NIPSNAP1: variants seen among roughly 807,000 people sequenced by gnomAD.
NIPSNAP1 encodes nipsnap homolog 1.
Under a neutral mutation model 49.2 loss-of-function variants are expected in NIPSNAP1, and 25 were observed. That is an observed-to-expected ratio of 0.51 (90% CI 0.37 to 0.71). NIPSNAP1 has a LOEUF of 0.71. Ranked by LOEUF, NIPSNAP1 falls within the 30% of genes least tolerant of loss-of-function variation. NIPSNAP1 has a pLI of 0.00. For missense variants in NIPSNAP1, 294 were observed against 361.0 expected, an observed-to-expected ratio of 0.81 and a Z score of 1.50; for synonymous variants, 143 against 140.7, an observed-to-expected ratio of 1.02 and a Z score of -0.12.
chr22:29,576,087 C>A (rs904388613), intron 1 of NIPSNAP1, among the ~76,000 whole-genome samples: 9 of 149,382 alleles, frequency 6.0e-5, no homozygotes, highest in African/African-American at 2.0e-4. Context: ...GGCGTAATCT[C>A]AGCTCACTGC....
intron 4 of NIPSNAP1, among the ~76,000 whole-genome samples, chr22:29,566,849 C>T (rs758272802): frequency 5.9e-5 from 9 of 151,936 alleles, no homozygotes; most frequent in Non-Finnish European, 1.3e-4. Flanking sequence ...ATAGGCCAGG[C>T]GCAGTGGCTG....
At position 29,577,254 on chromosome 22, in the gene NIPSNAP1, A is replaced by C. The variant is rs1478407829; in HGVS notation, c.98+3731T>G. Among the ~76,000 whole-genome samples the C allele has an allele frequency of 4.0e-5, 6 of 150,528 alleles. 1 individual carries two copies. The highest frequency in any genetic ancestry group is 1.5e-4 in the African/African-American group (6 of 40,204). ...CAGGTGAGCACCACCACGTCTGGCTAATTTTTGTTGTTGTTTGAGATGGAG... is the reference window on the plus strand; with the variant it reads ...CAGGTGAGCACCACCACGTCTGGCTCATTTTTGTTGTTGTTTGAGATGGAG... On this transcript the variant is annotated intron_variant, in intron 1 of 9. Transcript: ENST00000216121.
intron 4 of NIPSNAP1, among the ~76,000 whole-genome samples, chr22:29,567,729 A>C (rs1271733152): frequency 6.6e-6 from 1 of 151,904 alleles, no homozygotes; most frequent in Non-Finnish European, 1.5e-5. Flanking sequence ...TGTGGCATGC[A>C]CCTGTGGTCC....
intron 1 of NIPSNAP1, among the ~76,000 whole-genome samples, chr22:29,580,628 G>A (rs1273800417): frequency 6.6e-6 from 1 of 152,134 alleles, no homozygotes; most frequent in African/African-American, 2.4e-5. Flanking sequence ...TCCCGACGGA[G>A]GAGCTGACTA....
chr22:29,580,955 G>A (rs748704569), intron 1 of NIPSNAP1, 30 bp downstream of exon 1: 18 of 1,500,140 alleles, frequency 1.2e-5, no homozygotes, highest in Middle Eastern at 2.3e-4. Context: ...CACCCCGCGC[G>A]CGTCTATCCC....
chr22:29,569,152 G>C, intron 4 of NIPSNAP1, 41 bp downstream of exon 4: 1 of 1,546,052 alleles, frequency 6.5e-7, no homozygotes, highest in Non-Finnish European at 8.9e-7. Flanking sequence ...GGAGGCCAGG[G>C]CTGGGCAGTG....
At chr22:29,579,685 C>T in intron 1 of NIPSNAP1, 1 of 182,540 alleles carries the variant, frequency 5.5e-6, no homozygotes, top group Non-Finnish European at 1.2e-5. Context: ...GCCTCGGCCT[C>T]CCAAAGTGCT....
At chr22:29,578,431 C>T (rs570124367) in intron 1 of NIPSNAP1, among the ~76,000 whole-genome samples, 3 of 151,182 alleles carry the variant, frequency 2.0e-5, no homozygotes, top group South Asian at 2.1e-4. Flanking sequence ...CTTGGCCTAC[C>T]GAAGTGTTGG....
intron 2 of NIPSNAP1, 33 bp downstream of exon 2, chr22:29,570,372 G>T (rs745315863): frequency 1.2e-6 from 2 of 1,613,866 alleles, no homozygotes; most frequent in East Asian, 4.5e-5. Flanking sequence ...GCCCCTGAAA[G>T]GGCAGAAATT....
chr22:29,561,682 A>C, intron 5 of NIPSNAP1, 36 bp from the exon 6 acceptor site: 1 of 1,614,152 alleles, frequency 6.2e-7, no homozygotes, highest in Non-Finnish European at 8.5e-7. Flanking sequence ...GCTACCAGGA[A>C]GTGCGCTCCA....
intron 4 of NIPSNAP1, 48 bp from the exon 5 acceptor site, chr22:29,561,910 C>G (rs1450620179): frequency 1.3e-6 from 2 of 1,589,626 alleles, no homozygotes; most frequent in Non-Finnish European, 1.7e-6. Context: ...GGACCCCCAG[C>G]AGATGACCTC....
intron 3 of NIPSNAP1, 50 bp downstream of exon 3, chr22:29,570,112 G>A: frequency 6.5e-7 from 1 of 1,547,850 alleles, no homozygotes; most frequent in Non-Finnish European, 8.9e-7. Context: ...TGCTGAAAGT[G>A]TGTTCCCCAC....
chr22:29,562,482 G>A (rs2064342419), intron 4 of NIPSNAP1, among the ~76,000 whole-genome samples: 1 of 152,148 alleles, frequency 6.6e-6, no homozygotes. Context: ...GCGGGGCTGA[G>A]GTGGGTGGAG....
chr22:29,561,091 A>T, intron 7 of NIPSNAP1, 80 bp downstream of exon 7: 3 of 1,321,046 alleles, frequency 2.3e-6, no homozygotes, highest in Non-Finnish European at 3.3e-6. Context: ...GCCCTGGAAA[A>T]GGTGGCCCAC....
rs1393471713 is a variant in NIPSNAP1, at chr22:29,561,208, A to C, written c.580-6T>G. 4 of 1,613,356 alleles carry C rather than the reference A, an allele frequency of 2.5e-6. No individual in the cohort carries two copies. In the South Asian group the frequency reaches 3.3e-5, roughly 13 times the overall value. Reference sequence around the variant, plus strand: ...CACTCGATCATGGTTCCTGGCTGAAAGAGAACCAAAGGGATGATGGGAATG... The same window carrying C: ...CACTCGATCATGGTTCCTGGCTGAACGAGAACCAAAGGGATGATGGGAATG... On this transcript the variant is annotated splice_region_variant and splice_polypyrimidine_tract_variant and intron_variant, in intron 6 of 9. Transcript: ENST00000216121.
intron 1 of NIPSNAP1, among the ~76,000 whole-genome samples, chr22:29,574,905 C>T (rs1351432349): frequency 6.6e-6 from 1 of 152,090 alleles, no homozygotes; most frequent in Non-Finnish European, 1.5e-5. Context: ...CAGGATCTCA[C>T]TGATTCTATG....
At chr22:29,575,810 G>A (rs1182378512) in intron 1 of NIPSNAP1, among the ~76,000 whole-genome samples, 1 of 151,758 alleles carries the variant, frequency 6.6e-6, no homozygotes, top group Non-Finnish European at 1.5e-5. Context: ...CGCCTCCCAG[G>A]TTCAAGCAAT....
chr22:29,567,710 G>A (rs756437282), intron 4 of NIPSNAP1, among the ~76,000 whole-genome samples: 2 of 151,980 alleles, frequency 1.3e-5, no homozygotes, highest in African/African-American at 4.8e-5. Context: ...AAATAAATTA[G>A]TTGGGCATTG....
At position 29,579,910 on chromosome 22, in the gene NIPSNAP1, A is replaced by G. The variant is rs186644990; in HGVS notation, c.98+1075T>C. ...CACGGTGTCAGCTTTATCCCTAATT[A>G]TTGGGCAGTCTAGGTGGGGCGCTTA... is the stretch of plus-strand genomic sequence containing the variant. On this transcript the variant is annotated intron_variant, in intron 1 of 9. Coordinates refer to ENST00000216121, the MANE Select transcript of NIPSNAP1 (RefSeq NM_003634.4). 3.1e-4 allele frequency: 117 copies of G among 382,940 alleles called. No homozygotes were observed. The East Asian group carries it at 7.4e-3, about 24-fold the overall frequency. The allele number at this position is 382,940 out of a possible 1,614,324, so 23.7% of individuals were successfully genotyped here.
Sources: allele counts gnomAD v4.1 joint callset (sites outside exome capture counted in the v4.1 genomes callset), GRCh38; gene constraint gnomAD v4.1.1; transcripts MANE v1.5; gene names NCBI Gene and HGNC (gene_info 2026-07-23, HGNC 2026-07-21).